ERCC5: variants seen among roughly 807,000 people sequenced by gnomAD.
The protein encoded by ERCC5 is ERCC excision repair 5, endonuclease, also known as DNA excision repair protein ERCC-5.
A neutral mutation model predicts 105.6 loss-of-function variants in ERCC5; 68 were observed. The ratio of observed to expected loss-of-function variants is 0.64; its 90% CI spans 0.53 to 0.79. ERCC5 has a LOEUF of 0.79. ERCC5 is among the 30% of genes least tolerant of loss of function. The pLI is 0.00. For missense variants in ERCC5, 1,373 were observed against 1,426.7 expected, an observed-to-expected ratio of 0.96 and a Z score of 0.61; for synonymous variants, 546 against 526.2, an observed-to-expected ratio of 1.04 and a Z score of -0.51.
intron 14 of ERCC5, 41 bp downstream of exon 14, chr13:102,873,384 G>A (rs776475698): frequency 1.2e-6 from 2 of 1,611,626 alleles, no homozygotes. Flanking sequence ...AGGATGAAGG[G>A]TAGGCTGTGG....
At position 102,865,840 on chromosome 13, in the gene ERCC5, G is replaced by A. The variant is rs371246879; in HGVS notation, c.2128G>A (p.Val710Met). The change falls in exon 9 of 15, where the codon GTG becomes ATG. Residue 710 changes from valine (V) to methionine (M), a missense_variant. Val to Met is a conservative substitution (Grantham distance 21). Around this residue, in one of 3 missense-constraint regions of ERCC5, gnomAD observed 1,004 missense variants for 1,059.7 expected, o/e 0.95. Transcript: ENST00000652225. This position sits in a 1 kb window ranked among gnomAD's most constrained non-coding sequence, Gnocchi z 4.0. ...LLRDNSERDD[V>M]DGEPQEAEKD... ...GAGGGACAACTCTGAGAGGGACGAC[G>A]TGGATGGTGAGCCACAGGAAGCTGA... is the stretch of plus-strand genomic sequence containing the variant. The A allele has an allele frequency of 2.5e-6, 4 of 1,614,224 alleles. No homozygotes were observed. In the South Asian group the frequency reaches 4.4e-5, roughly 18 times the overall value.
At position 102,862,524 on chromosome 13, in the gene ERCC5, G is replaced by A. The variant is rs1882672085; in HGVS notation, c.1375G>A (p.Ala459Thr). 8 of 1,614,032 alleles carry A rather than the reference G, an allele frequency of 5.0e-6. No homozygotes were observed. Among genetic ancestry groups the A allele is most frequent in the Non-Finnish European group, 6.8e-6 (8 of 1,180,050 alleles). The change falls in exon 8 of 15, where the codon GCC (alanine) becomes ACC (threonine). Residue 459 changes from alanine (A) to threonine (T), a missense_variant. Around this residue, in one of 3 missense-constraint regions of ERCC5, gnomAD observed 1,004 missense variants for 1,059.7 expected, o/e 0.95. Transcript: ENST00000652225. ...TGTGAACTCTGCAGAGGAGCACGTA[G>A]CCAGCACTAATGAGGGGAGAGAGCC... ...SSVNSAEEHV[A>T]STNEGREPTD...
At position 102,862,717 on chromosome 13, in the gene ERCC5, C is replaced by T. The variant is rs1224993563; in HGVS notation, c.1568C>T (p.Thr523Ile). Residue 523 changes from threonine (T) to isoleucine (I), a missense_variant, in exon 8 of 15, where the codon ACA becomes ATA. Coordinates refer to ENST00000652225, the MANE Select transcript of ERCC5 (RefSeq NM_000123.4). The part of the protein sequence containing the change: ...APGLPNGREL[T>I]PASPTCTNSV... ...GGGCTCCCGAATGGAAGGGAACTGA[C>T]ACCGGCATCTCCAACTTGTACAAAT... 4.3e-6 allele frequency: 7 copies of T among 1,614,092 alleles called. No homozygotes were observed. The East Asian group carries it at 1.3e-4, about 31-fold the overall frequency.
chr13:102,860,333 G>A (rs770404006), intron 6 of ERCC5, among the ~76,000 whole-genome samples: 2 of 152,146 alleles, frequency 1.3e-5, no homozygotes, highest in East Asian at 1.9e-4. Flanking sequence ...GTGAAGAAGC[G>A]AAAAGAAATT....
intron 6 of ERCC5, chr13:102,859,055 T>C: frequency 2.6e-6 from 1 of 380,450 alleles, no homozygotes; most frequent in South Asian, 1.9e-5. Context: ...GGAGGTGGTA[T>C]GTGCAGTTGG....
chr13:102,853,605 A>G, intron 2 of ERCC5, 152 bp from the exon 3 acceptor site: 2 of 715,444 alleles, frequency 2.8e-6, no homozygotes, highest in South Asian at 3.6e-5. Flanking sequence ...AGCAACCTGA[A>G]GATATACACT....
chr13:102,851,577 G>A (rs1361198392), intron 1 of ERCC5, among the ~76,000 whole-genome samples: 1 of 152,154 alleles, frequency 6.6e-6, no homozygotes, highest in Non-Finnish European at 1.5e-5. Flanking sequence ...ACAGGTGTGA[G>A]CCACCGCGCC....
intron 1 of ERCC5, chr13:102,849,346 A>G: frequency 1.9e-6 from 1 of 519,010 alleles, no homozygotes; most frequent in Non-Finnish European, 3.8e-6. Flanking sequence ...GAAACTTCCC[A>G]GTGGCCGTAT....
intron 6 of ERCC5, among the ~76,000 whole-genome samples, 190 bp downstream of exon 6, chr13:102,858,608 G>C (rs186641312): frequency 6.6e-6 from 1 of 152,296 alleles, no homozygotes. Context: ...TTTACTCTAA[G>C]AAGTTTTTCT....
In ERCC5 at chr13:102,872,194, A is replaced by G; in HGVS notation, c.2679-4A>G. 1 of 1,613,888 alleles carries G rather than the reference A, an allele frequency of 6.2e-7. No individual in the cohort carries two copies. ...TGTAAGTAATTGTTTCCTTTATTTT[A>G]CAGAGAATGGTGGCATGAAGCTCAA... On this transcript the variant is annotated splice_polypyrimidine_tract_variant and splice_region_variant and intron_variant, in intron 12 of 14. Transcript: ENST00000652225.
rs199950891 is a variant in ERCC5 at position 102,862,309 on chromosome 13, C to T, written c.1160C>T (p.Thr387Ile). The T allele has an allele frequency of 4.3e-6, 7 of 1,614,146 alleles. No homozygotes were observed. Among genetic ancestry groups the T allele is most frequent in the Non-Finnish European group, 5.9e-6 (7 of 1,180,030 alleles). ...GACGAAGGCTCCATATCACCCCGGA[C>T]TCTTTCAGCCATTAAGAGAGCTCTT... is the stretch of plus-strand genomic sequence containing the variant. Reference protein sequence around the residue: ...AVDEGSISPRTLSAIKRALDD... With the variant: ...AVDEGSISPRILSAIKRALDD... The change falls in exon 8 of 15, where the codon ACT (threonine) becomes ATT (isoleucine). Residue 387 changes from threonine (T) to isoleucine (I), a missense_variant. By Grantham distance (89) the Thr-to-Ile change is moderately conservative. This residue lies in a region of ERCC5 where 1,004 missense variants were observed against 1,059.7 expected (regional missense o/e 0.95). Coordinates refer to ENST00000652225, the MANE Select transcript of ERCC5 (RefSeq NM_000123.4).
intron 1 of ERCC5, chr13:102,849,557 A>G (rs1444816188): frequency 2.5e-6 from 1 of 392,602 alleles, no homozygotes; most frequent in Non-Finnish European, 5.1e-6. Context: ...GTGTTTTGTA[A>G]ATTAATTGTT....
chr13:102,860,005 C>G (rs890610331), intron 6 of ERCC5, among the ~76,000 whole-genome samples: 12 of 152,190 alleles, frequency 7.9e-5, no homozygotes, highest in Non-Finnish European at 1.5e-5. Context: ...TTGCCTGGAA[C>G]GTGAATCCTC....
chr13:102,873,723 A>C (rs1378160857), intron 14 of ERCC5, among the ~76,000 whole-genome samples: 1 of 152,214 alleles, frequency 6.6e-6, no homozygotes, highest in Non-Finnish European at 1.5e-5. Context: ...TAATATTTTT[A>C]AATTCTATAA....
Position 102,859,822 on chromosome 13 carries a change from T to C in ERCC5, c.672+1404T>C, listed in dbSNP as rs4150305. Among the ~76,000 whole-genome samples, 725 of 152,352 alleles carry C rather than the reference T, an allele frequency of 4.8e-3. 9 individuals carry two copies. Among genetic ancestry groups the C allele is most frequent in the African/African-American group, 0.016 (674 of 41,572 alleles). Reference sequence around the variant, plus strand: ...TGGTAGGTAATAATAGCAGTAGTAATAATCATAATACCATAGTTCCACTTT... The same window carrying C: ...TGGTAGGTAATAATAGCAGTAGTAACAATCATAATACCATAGTTCCACTTT... On this transcript the variant is annotated intron_variant, in intron 6 of 14. Coordinates refer to ENST00000652225, the MANE Select transcript of ERCC5 (RefSeq NM_000123.4).
intron 4 of ERCC5, among the ~76,000 whole-genome samples, chr13:102,854,986 C>T (rs1882356760): frequency 6.6e-6 from 1 of 152,236 alleles, no homozygotes; most frequent in Non-Finnish European, 1.5e-5. Flanking sequence ...CCCTCCACCT[C>T]TTCCTTTCCC....
chr13:102,853,772 A>G lies in ERCC5; in HGVS notation c.280A>G (p.Arg94Gly). The G allele has an allele frequency of 6.2e-7, 1 of 1,614,226 alleles. No individual in the cohort carries two copies. Among genetic ancestry groups the G allele is most frequent in the Non-Finnish European group, 8.5e-7 (1 of 1,180,024 alleles). The change falls in exon 3 of 15, where the codon AGA becomes GGA. Residue 94 changes from arginine (R) to glycine (G), a missense_variant. Coordinates refer to ENST00000652225, the MANE Select transcript of ERCC5 (RefSeq NM_000123.4). ...CTTCTCATAGGTGAAGAGAAGGCAGAGAAAGGACTTAGCGTCCAGTGACTC... is the reference window on the plus strand; with the variant it reads ...CTTCTCATAGGTGAAGAGAAGGCAGGGAAAGGACTTAGCGTCCAGTGACTC... ...KKQTLVKRRQ[R>G]KDLASSDSRK...
chr13:102,873,402 C>G (rs1883097458), intron 14 of ERCC5, 59 bp downstream of exon 14: 1 of 1,586,496 alleles, frequency 6.3e-7, no homozygotes, highest in Non-Finnish European at 8.7e-7. Context: ...TGGTTGACAG[C>G]TGTTAAAGAC....
chr13:102,875,993 G>A lies in ERCC5; in HGVS notation c.*90G>A. On this transcript the variant is annotated 3_prime_UTR_variant, in exon 15 of 15. Coordinates refer to ENST00000652225, the MANE Select transcript of ERCC5 (RefSeq NM_000123.4). ...CGTAATAAAATTAACTGGTGGCACGGTCTTTGTATTTAGTGTGTGGTTCCT... is the reference window on the plus strand; with the variant it reads ...CGTAATAAAATTAACTGGTGGCACGATCTTTGTATTTAGTGTGTGGTTCCT... 1.4e-6 allele frequency: 2 copies of A among 1,474,204 alleles called. No homozygotes were observed. The highest frequency in any genetic ancestry group is 1.8e-6 in the Non-Finnish European group (2 of 1,082,710). The allele number at this position is 1,474,204 out of a possible 1,614,324, so 91.3% of individuals were successfully genotyped here.
Sources: allele counts gnomAD v4.1 joint callset (sites outside exome capture counted in the v4.1 genomes callset), GRCh38; gene constraint gnomAD v4.1.1; regional missense constraint gnomAD v4.1.1; non-coding constraint Gnocchi (gnomAD v3.1); transcripts MANE v1.5; gene names NCBI Gene and HGNC (gene_info 2026-07-23, HGNC 2026-07-21).